Variants in NRXN3 observed in about 807,000 individuals in gnomAD.
NRXN3 encodes the protein neurexin 3.
NRXN3 carries 32 observed loss-of-function variants against 137.6 expected under a neutral mutation model. The ratio of observed to expected loss-of-function variants is 0.23; its 90% CI spans 0.18 to 0.31. The LOEUF is 0.31. Ranked by LOEUF, NRXN3 falls within the 10% of genes least tolerant of loss-of-function variation. The pLI is 1.00. For missense variants in NRXN3, 1,574 were observed against 2,062.5 expected, an observed-to-expected ratio of 0.76 and a Z score of 4.59; for synonymous variants, 798 against 784.5, an observed-to-expected ratio of 1.02 and a Z score of -0.29.
At chr14:78,189,678 C>T (rs900802100) in intron 1 of NRXN3, among the ~76,000 whole-genome samples, 3 of 152,164 alleles carry the variant, frequency 2.0e-5, no homozygotes, top group East Asian at 1.9e-4. Context: ...CCTCCACTTC[C>T]GGGTTTGAGC....
intron 15 of NRXN3, among the ~76,000 whole-genome samples, chr14:79,363,155 C>T (rs546482364): frequency 3.7e-4 from 57 of 152,192 alleles, no homozygotes; most frequent in African/African-American, 1.2e-3. Flanking sequence ...CGCCCACAAC[C>T]GCACCTGGCT....
intron 15 of NRXN3, among the ~76,000 whole-genome samples, chr14:79,287,619 A>G (rs2082490982): frequency 6.6e-6 from 1 of 152,200 alleles, no homozygotes; most frequent in African/African-American, 2.4e-5. Flanking sequence ...CAAAGTTTGT[A>G]GAGCAGATAG....
At chr14:79,303,267 G>C (rs1015371892) in intron 15 of NRXN3, among the ~76,000 whole-genome samples, 1 of 151,934 alleles carries the variant, frequency 6.6e-6, no homozygotes. Context: ...TTACTGGCAG[G>C]TCAAAATACC....
At chr14:78,863,645 A>G (rs1241245066) in intron 10 of NRXN3, among the ~76,000 whole-genome samples, 1 of 152,122 alleles carries the variant, frequency 6.6e-6, no homozygotes, top group Non-Finnish European at 1.5e-5. Flanking sequence ...AAGCAATGAG[A>G]TCATTGATTT....
In NRXN3 at chr14:79,279,497, C is replaced by T. The variant is rs139786640; in HGVS notation, c.3263-187724C>T. 27 of 986,312 alleles carry T rather than the reference C, an allele frequency of 2.7e-5. No homozygotes were observed. In the African/African-American group the frequency reaches 4.2e-4, roughly 15 times the overall value. 61.1% of individuals were successfully genotyped at this position (986,312 alleles called of 1,614,324 possible). On this transcript the variant is annotated intron_variant, in intron 15 of 20. Transcript: ENST00000335750. ...TGCGCTCTCGCTGATTTCGCCCACCCACCTCCCTCCACCCCGTGCCACGTT... is the reference window on the plus strand; with the variant it reads ...TGCGCTCTCGCTGATTTCGCCCACCTACCTCCCTCCACCCCGTGCCACGTT...
intron 8 of NRXN3, among the ~76,000 whole-genome samples, chr14:78,721,938 C>CT (rs34195710): frequency 4.0e-4 from 58 of 146,682 alleles, no homozygotes; most frequent in Middle Eastern, 7.1e-3. Flanking sequence ...GATTCAGCCT[C>CT]TTTTTTTTTT....
intron 19 of NRXN3, among the ~76,000 whole-genome samples, chr14:79,758,299 G>A (rs1461740980): frequency 2.0e-5 from 3 of 152,154 alleles, no homozygotes; most frequent in African/African-American, 7.2e-5. Flanking sequence ...TGCAGCCTGT[G>A]CAAGAAGCAT....
chr14:78,776,195 G>A (rs2098744402), intron 8 of NRXN3, among the ~76,000 whole-genome samples: 8 of 152,140 alleles, frequency 5.3e-5, no homozygotes, highest in Admixed American at 1.3e-4. Context: ...TATAATGATA[G>A]CTATATTATT....
At chr14:79,504,268 AGACAGATTGTTATTCTCT>A (rs1317645600) in intron 16 of NRXN3, among the ~76,000 whole-genome samples, 1 of 152,242 alleles carries the variant, frequency 6.6e-6, no homozygotes, top group African/African-American at 2.4e-5. Flanking sequence ...CATTTTTTTG[AGACAGATTGTTATTCTCT>A]GACAGATTGT....
At chr14:79,073,431 C>G (rs576747925) in intron 15 of NRXN3, among the ~76,000 whole-genome samples, 1 of 152,116 alleles carries the variant, frequency 6.6e-6, no homozygotes, top group African/African-American at 2.4e-5. Context: ...TTTTCTTACA[C>G]ACATTGCATT....
chr14:78,641,282 A>G (rs2097626333), intron 4 of NRXN3, among the ~76,000 whole-genome samples: 2 of 152,192 alleles, frequency 1.3e-5, no homozygotes, highest in Non-Finnish European at 2.9e-5. Flanking sequence ...GAGGTCTTAG[A>G]AGAAAAATCA....
intron 16 of NRXN3, among the ~76,000 whole-genome samples, chr14:79,525,769 A>G (rs10483924): frequency 0.068 from 10,399 of 152,258 alleles, 796 homozygotes; most frequent in African/African-American, 0.18. Flanking sequence ...TTCACTATAA[A>G]TGTTTTAAGT....
At chr14:79,068,579 T>C (rs1180432052) in intron 15 of NRXN3, among the ~76,000 whole-genome samples, 4 of 152,116 alleles carry the variant, frequency 2.6e-5, no homozygotes, top group African/African-American at 9.7e-5. Context: ...ATTTAAAGTC[T>C]CCACTTGTCA....
At chr14:78,467,377 A>G (rs554286107) in intron 4 of NRXN3, among the ~76,000 whole-genome samples, 1 of 152,252 alleles carries the variant, frequency 6.6e-6, no homozygotes, top group South Asian at 2.1e-4. Context: ...GAGTTTAAAC[A>G]TTATAAACAA....
intron 1 of NRXN3, among the ~76,000 whole-genome samples, chr14:78,175,481 G>A (rs1018358032): frequency 1.3e-5 from 2 of 152,194 alleles, no homozygotes; most frequent in Non-Finnish European, 1.5e-5. Flanking sequence ...GCCTAGAAAT[G>A]TGCTGGCCCG....
intron 8 of NRXN3, among the ~76,000 whole-genome samples, chr14:78,746,106 C>A (rs2098605995): frequency 6.6e-6 from 1 of 152,202 alleles, no homozygotes; most frequent in East Asian, 1.9e-4. Flanking sequence ...CTGGTATTGA[C>A]AGGCTTTGAT....
chr14:79,317,820 A>G (rs1432474821), intron 15 of NRXN3, among the ~76,000 whole-genome samples: 1 of 152,208 alleles, frequency 6.6e-6, no homozygotes, highest in Non-Finnish European at 1.5e-5. Context: ...CATTTAGTGT[A>G]TAAATATAAT....
intron 4 of NRXN3, among the ~76,000 whole-genome samples, chr14:78,610,556 C>T (rs906408116): frequency 2.0e-5 from 3 of 152,220 alleles, no homozygotes; most frequent in Non-Finnish European, 4.4e-5. Flanking sequence ...GAAACACTCA[C>T]TGGTTTCTAA....
In NRXN3 at chr14:79,446,932, A is replaced by C. The variant is rs114566144; in HGVS notation, c.3263-20289A>C. ...CTGTAGACATTATGTTGTGCAGGAG[A>C]TCTCCATAACTTATTCATCTTGCAT... On this transcript the variant is annotated intron_variant, in intron 15 of 20. Transcript: ENST00000335750. Among the ~76,000 whole-genome samples the C allele has an allele frequency of 5.9e-3, 902 of 152,304 alleles. 8 individuals are homozygous for C. Among genetic ancestry groups the C allele is most frequent in the African/African-American group, 0.021 (864 of 41,566 alleles).
Sources: allele counts gnomAD v4.1 joint callset (sites outside exome capture counted in the v4.1 genomes callset), GRCh38; gene constraint gnomAD v4.1.1; transcripts MANE v1.5; gene names NCBI Gene and HGNC (gene_info 2026-07-23, HGNC 2026-07-21).